MED24: variants seen among roughly 807,000 people sequenced by gnomAD.
MED24 encodes mediator of RNA polymerase II transcription subunit 24.
A neutral mutation model predicts 118.8 loss-of-function variants in MED24; 74 were observed. The ratio of observed to expected loss-of-function variants is 0.62; its 90% CI spans 0.52 to 0.76. The LOEUF (loss-of-function observed/expected upper bound fraction) is 0.76. Among genes scored for constraint, MED24 ranks in the 30% least tolerant of loss-of-function variants. The pLI, the probability that MED24 is intolerant of heterozygous loss-of-function variation, is 0.00. For missense variants in MED24, 1,041 were observed against 1,278.9 expected, an observed-to-expected ratio of 0.81 and a Z score of 2.84; for synonymous variants, 521 against 523.9, an observed-to-expected ratio of 0.99 and a Z score of 0.08.
intron 6 of MED24, chr17:40,034,865 A>ACCCCCCCC: frequency 7.9e-6 from 1 of 126,308 alleles, no homozygotes; most frequent in Non-Finnish European, 1.6e-5. Flanking sequence ...CCCACCCCCC[A>ACCCCCCCC]CCCCCAGCAC....
chr17:40,029,932 A>C, intron 12 of MED24, 73 bp from the exon 13 acceptor site: 1 of 1,405,188 alleles, frequency 7.1e-7, no homozygotes, highest in Non-Finnish European at 1.0e-6. Flanking sequence ...CCCTCGTTCA[A>C]GCCCGGAAGG....
intron 6 of MED24, chr17:40,034,797 C>T (rs1983754345): frequency 1.4e-6 from 1 of 697,138 alleles, no homozygotes; most frequent in African/African-American, 1.8e-5. Flanking sequence ...TCTTGCTACC[C>T]ACTAGCAGCT....
intron 10 of MED24, among the ~76,000 whole-genome samples, 169 bp from the exon 11 acceptor site, chr17:40,031,789 G>A (rs915757247): frequency 3.3e-5 from 5 of 152,122 alleles, no homozygotes; most frequent in African/African-American, 1.2e-4. Context: ...CACACTGGCT[G>A]AAGCACACGT....
chr17:40,034,697 T>C (rs147123405), intron 6 of MED24, among the ~76,000 whole-genome samples: 1 of 152,332 alleles, frequency 6.6e-6, no homozygotes, highest in African/African-American at 2.4e-5. Context: ...GTCATCTGCT[T>C]CCAAGCGATG....
chr17:40,034,853 C>CGGGGGGGGGGGGG, intron 6 of MED24: 1 of 309,118 alleles, frequency 3.2e-6, no homozygotes, highest in Non-Finnish European at 6.0e-6. Flanking sequence ...CTTTGGTAGC[C>CGGGGGGGGGGGGG]CCCCACCCCC....
chr17:40,042,996 G>A (rs1011558583), intron 3 of MED24, among the ~76,000 whole-genome samples: 2 of 152,224 alleles, frequency 1.3e-5, no homozygotes, highest in Non-Finnish European at 2.9e-5. Context: ...CTGTCACACA[G>A]GCTAAAGTGC....
intron 1 of MED24, 100 bp from the exon 2 acceptor site, chr17:40,053,735 T>G: frequency 6.8e-7 from 1 of 1,466,284 alleles, no homozygotes; most frequent in Non-Finnish European, 9.4e-7. Context: ...GCGGGAAGAT[T>G]TAAGCGAGAC....
chr17:40,041,360 T>C (rs1217573290), intron 3 of MED24, among the ~76,000 whole-genome samples: 1 of 152,210 alleles, frequency 6.6e-6, no homozygotes, highest in Non-Finnish European at 1.5e-5. Context: ...CTCCTAAGTG[T>C]GTTCCTTAAA....
chr17:40,044,954 T>A (rs1985003886), intron 3 of MED24, among the ~76,000 whole-genome samples: 1 of 151,906 alleles, frequency 6.6e-6, no homozygotes, highest in Non-Finnish European at 1.5e-5. Context: ...GGATGGGGTA[T>A]AACCTAATCC....
chr17:40,044,348 C>T (rs1197055980), intron 3 of MED24, among the ~76,000 whole-genome samples: 2 of 151,468 alleles, frequency 1.3e-5, no homozygotes, highest in Non-Finnish European at 2.9e-5. Context: ...GGAGAATCCC[C>T]GTATCTACTA....
chr17:40,051,175 G>T (rs1985804613), intron 3 of MED24, among the ~76,000 whole-genome samples: 1 of 150,298 alleles, frequency 6.7e-6, no homozygotes, highest in Non-Finnish European at 1.5e-5. Context: ...GCCAGGATTG[G>T]TGGTGGGCGC....
chr17:40,042,613 A>C (rs6503535), intron 3 of MED24, among the ~76,000 whole-genome samples: 11,532 of 152,120 alleles, frequency 0.076, 1,499 homozygotes, highest in African/African-American at 0.26. Context: ...CAGGAGGAGG[A>C]GGTTGCACTG....
intron 3 of MED24, among the ~76,000 whole-genome samples, chr17:40,050,354 G>A (rs1383588342): frequency 2.0e-5 from 3 of 151,526 alleles, no homozygotes; most frequent in Non-Finnish European, 1.5e-5. Flanking sequence ...GAGACAGGCA[G>A]AAGAATCACT....
intron 10 of MED24, 64 bp downstream of exon 10, chr17:40,031,979 C>T: frequency 6.4e-7 from 1 of 1,553,534 alleles, no homozygotes; most frequent in Non-Finnish European, 8.8e-7. Context: ...CAGCTGGGGC[C>T]TGAAGGACCC....
chr17:40,026,040 G>A, intron 19 of MED24, 116 bp downstream of exon 19: 3 of 1,034,704 alleles, frequency 2.9e-6, no homozygotes, highest in Non-Finnish European at 4.3e-6. Context: ...GAAAGTGAGT[G>A]AGTGATCAAG....
chr17:40,027,429 A>T lies in MED24; in HGVS notation c.1484T>A (p.Ile495Asn). 1 of 1,613,710 alleles carries T rather than the reference A, an allele frequency of 6.2e-7. No individual in the cohort carries two copies. Among genetic ancestry groups the T allele is most frequent in the Non-Finnish European group, 8.5e-7 (1 of 1,179,810 alleles). Residue 495 changes from isoleucine to asparagine, a missense_variant, in exon 16 of 26, where the codon ATC becomes AAC. Physicochemically the swap from Ile to Asn is moderately radical, Grantham distance 149 (BLOSUM62 -3). Around this residue, in one of 3 missense-constraint regions of MED24, gnomAD observed 587 missense variants for 694.4 expected, o/e 0.85. Coordinates refer to ENST00000394128, the MANE Select transcript of MED24 (RefSeq NM_014815.4). ...CACATGGCACAGCATGAGGAAGGAG[A>T]TGTCAAACAGCAGGGCCCGGACGGA... is the stretch of plus-strand genomic sequence containing the variant. Reference protein sequence around the residue: ...PASVRALLFDISFLMLCHVAQ... With the variant: ...PASVRALLFDNSFLMLCHVAQ...
In MED24 at chr17:40,019,341, T is replaced by C; in HGVS notation, c.*188A>G. 1 of 593,660 alleles carries C rather than the reference T, an allele frequency of 1.7e-6. No individual in the cohort carries two copies. The highest frequency in any genetic ancestry group is 3.0e-6 in the Non-Finnish European group (1 of 338,094). 36.8% of individuals were successfully genotyped at this position (593,660 alleles called of 1,614,324 possible). ...GGTGCCAGCAGATGGAGAGGAAATT[T>C]TGAAAGAAGAAACCGGGAGACATCC... On this transcript the variant is annotated 3_prime_UTR_variant, in exon 26 of 26. Coordinates refer to ENST00000394128, the MANE Select transcript of MED24 (RefSeq NM_014815.4).
chr17:40,040,551 A>G (rs2144947886), intron 3 of MED24, among the ~76,000 whole-genome samples: 1 of 150,786 alleles, frequency 6.6e-6, no homozygotes, highest in East Asian at 2.0e-4. Context: ...TAGACCCCAC[A>G]CTTCCATTTA....
At position 40,033,185 on chromosome 17, in the gene MED24, C is replaced by T; in HGVS notation, c.693G>A (p.Val231=). 1 of 1,614,028 alleles carries T rather than the reference C, an allele frequency of 6.2e-7. No individual in the cohort carries two copies. Among genetic ancestry groups the T allele is most frequent in the Non-Finnish European group, 8.5e-7 (1 of 1,180,032 alleles). Residue 231 remains valine (V), a synonymous_variant, in exon 8 of 26, where the codon GTG becomes GTA. Coordinates refer to ENST00000394128, the MANE Select transcript of MED24 (RefSeq NM_014815.4). This position sits in a 1 kb window ranked among gnomAD's most constrained non-coding sequence, Gnocchi z 5.2. The part of the protein sequence containing the change: ...LIRSIPTMLS[V]HAEQMHKTGF... The stretch of plus-strand genomic sequence containing the variant: ...CGGTCTTGTGCATCTGCTCCGCATG[C>T]ACAGACAGCATCGTGGGGATGCTGA...
Sources: gnomAD v4.1 joint callset for allele counts (sites outside exome capture counted in the v4.1 genomes callset) on GRCh38, gnomAD v4.1.1 for gene constraint, gnomAD v4.1.1 regional missense constraint, Gnocchi (gnomAD v3.1) non-coding constraint, MANE v1.5 for transcripts, NCBI Gene and HGNC (gene_info 2026-07-23, HGNC 2026-07-21) for gene names.